The following TEAD1 variants were observed in gnomAD, a reference collection of about 807,000 sequenced individuals.
TEAD1 encodes the protein TEA domain transcription factor 1.
A neutral mutation model predicts 54.9 loss-of-function variants in TEAD1; 9 were observed. That is an observed-to-expected ratio of 0.16 (90% CI 0.10 to 0.29). The LOEUF (loss-of-function observed/expected upper bound fraction) is 0.29, where lower values mean the gene tolerates loss of function less well. Among genes scored for constraint, TEAD1 ranks in the 10% least tolerant of loss-of-function variants. TEAD1 has a pLI of 1.00. For missense variants in TEAD1, 387 were observed against 535.9 expected (o/e 0.72, Z 2.74); for synonymous variants, 200 against 187.8 (o/e 1.07, Z -0.53).
At chr11:12,914,884 C>T (rs754022118) in intron 10 of TEAD1, among the ~76,000 whole-genome samples, 10 of 152,260 alleles carry the variant, frequency 6.6e-5, no homozygotes, top group Non-Finnish European at 1.2e-4. Context: ...GCTCCCAGCA[C>T]CGCCTGCCAA....
intron 9 of TEAD1, among the ~76,000 whole-genome samples, chr11:12,893,463 A>G (rs1327658624): frequency 3.9e-5 from 6 of 152,072 alleles, no homozygotes; most frequent in Non-Finnish European, 7.4e-5. Context: ...CTGTTTCTTC[A>G]TTACCCTTTG....
chr11:12,788,300 T>C (rs1039619368), intron 3 of TEAD1, among the ~76,000 whole-genome samples: 2 of 152,044 alleles, frequency 1.3e-5, no homozygotes, highest in South Asian at 2.1e-4. Flanking sequence ...CCCAGCCTAA[T>C]TTTGTATTTT....
At chr11:12,872,747 G>A (rs1447221790) in intron 5 of TEAD1, among the ~76,000 whole-genome samples, 2 of 152,162 alleles carry the variant, frequency 1.3e-5, no homozygotes, top group East Asian at 1.9e-4. Context: ...CTTAGATAAT[G>A]CCCTAGAATG....
intron 2 of TEAD1, among the ~76,000 whole-genome samples, chr11:12,729,776 A>G (rs529276541): frequency 9.9e-5 from 15 of 152,172 alleles, no homozygotes; most frequent in South Asian, 2.1e-4. Context: ...ATGGTTGGCT[A>G]TCCGACTTCT....
intron 2 of TEAD1, among the ~76,000 whole-genome samples, chr11:12,703,929 C>T (rs1460422806): frequency 6.6e-6 from 1 of 152,120 alleles, no homozygotes; most frequent in African/African-American, 2.4e-5. Context: ...ATTTGCACAA[C>T]CATTTTCTAA....
At chr11:12,864,618 TTTTG>T in intron 4 of TEAD1, 2 of 860,242 alleles carry the variant, frequency 2.3e-6, no homozygotes, top group Non-Finnish European at 3.1e-6. Context: ...TGATTTCCTT[TTTTG>T]TTTTGTTTTG....
chr11:12,944,053 C>T lies in TEAD1; in HGVS notation c.*6831C>T, dbSNP rs534728173. On this transcript the variant is annotated 3_prime_UTR_variant, in exon 13 of 13. Transcript: ENST00000527636. ...GGTTTTCGCCACGTGTGTTTGTTCA[C>T]ATTCTAAATGACTTAATGGGATTCT... 1 of 152,682 alleles carries T rather than the reference C, an allele frequency of 6.5e-6. No homozygotes were observed. Among genetic ancestry groups the T allele is most frequent in the Admixed American group, 6.5e-5 (1 of 15,290 alleles). 9.5% of individuals were successfully genotyped at this position (152,682 alleles called of 1,614,324 possible). A position where few individuals can be genotyped will look rare whatever the true frequency, so the allele number is the denominator to read the frequency against.
chr11:12,853,711 A>G (rs1226221987), intron 3 of TEAD1, among the ~76,000 whole-genome samples: 1 of 152,150 alleles, frequency 6.6e-6, no homozygotes, highest in African/African-American at 2.4e-5. Flanking sequence ...GACCCCTGTA[A>G]CCCAAGGCAA....
chr11:12,737,125 A>G (rs1014527880), intron 2 of TEAD1, among the ~76,000 whole-genome samples: 3 of 152,052 alleles, frequency 2.0e-5, no homozygotes, highest in Non-Finnish European at 1.5e-5. Flanking sequence ...TCATGTTTCA[A>G]CTCTCTTGTT....
rs547208960 is a variant in TEAD1 at position 12,791,314 on chromosome 11, C to G, written c.202+26880C>G. On this transcript the variant is annotated intron_variant, in intron 3 of 12. Coordinates refer to ENST00000527636, the MANE Select transcript of TEAD1 (RefSeq NM_021961.6). Reference sequence around the variant, plus strand: ...AGAAACCTTTATCAAGTAAAAGTATCTGGTGTTTCCCAGGCTTTGCTCTCC... The same window carrying G: ...AGAAACCTTTATCAAGTAAAAGTATGTGGTGTTTCCCAGGCTTTGCTCTCC... Among the ~76,000 whole-genome samples, 3 of 152,324 alleles carry G rather than the reference C, an allele frequency of 2.0e-5. No individual in the cohort carries two copies. The East Asian group carries it at 5.8e-4, about 29-fold the overall frequency.
At chr11:12,689,009 T>C (rs767837498) in intron 2 of TEAD1, among the ~76,000 whole-genome samples, 1 of 148,936 alleles carries the variant, frequency 6.7e-6, no homozygotes, top group Non-Finnish European at 1.5e-5. Flanking sequence ...TTTGTTGTTT[T>C]TCTGTTTTTT....
rs550175442 is a variant in TEAD1, at chr11:12,840,801, G to A, written c.203-21449G>A. ...GCACGGGCCCCTGTGAGTGGAGTGG[G>A]ATGAGATACCCAGTGGCTTTCAGAG... is the stretch of plus-strand genomic sequence containing the variant. On this transcript the variant is annotated intron_variant, in intron 3 of 12. Coordinates refer to ENST00000527636, the MANE Select transcript of TEAD1 (RefSeq NM_021961.6). Among the ~76,000 whole-genome samples, 5 of 152,308 alleles carry A rather than the reference G, an allele frequency of 3.3e-5. No homozygotes were observed. The South Asian group carries it at 1.0e-3, about 32-fold the overall frequency.
chr11:12,799,513 A>G (rs1309521311), intron 3 of TEAD1, among the ~76,000 whole-genome samples: 2 of 152,116 alleles, frequency 1.3e-5, no homozygotes, highest in African/African-American at 4.8e-5. Context: ...TGTGTGTGTC[A>G]GCGTTTTTAA....
intron 3 of TEAD1, among the ~76,000 whole-genome samples, chr11:12,834,326 C>A (rs894524081): frequency 2.6e-5 from 4 of 152,148 alleles, no homozygotes; most frequent in Admixed American, 1.3e-4. Flanking sequence ...AACAGATATC[C>A]ATGGAAACTT....
intron 2 of TEAD1, among the ~76,000 whole-genome samples, chr11:12,720,087 G>C (rs1374964708): frequency 3.4e-5 from 5 of 147,754 alleles, no homozygotes; most frequent in Non-Finnish European, 7.4e-5. Flanking sequence ...TGGTAGTGAG[G>C]GGCATCTCTC....
At chr11:12,786,097 G>A (rs1430550812) in intron 3 of TEAD1, among the ~76,000 whole-genome samples, 1 of 152,172 alleles carries the variant, frequency 6.6e-6, no homozygotes, top group African/African-American at 2.4e-5. Flanking sequence ...GCAGGGCATA[G>A]TTACTTGTCT....
At chr11:12,888,732 A>G (rs898438213) in intron 9 of TEAD1, among the ~76,000 whole-genome samples, 4 of 152,214 alleles carry the variant, frequency 2.6e-5, no homozygotes, top group Non-Finnish European at 4.4e-5. Flanking sequence ...CTGTATGCCA[A>G]CACTATGCAT....
At chr11:12,886,043 A>C (rs777999048) in intron 9 of TEAD1, among the ~76,000 whole-genome samples, 21 of 152,252 alleles carry the variant, frequency 1.4e-4, no homozygotes, top group Non-Finnish European at 2.9e-4. Flanking sequence ...GAACGCTGTG[A>C]GTAACAGGAA....
At chr11:12,722,884 G>A (rs1367658967) in intron 2 of TEAD1, among the ~76,000 whole-genome samples, 1 of 152,032 alleles carries the variant, frequency 6.6e-6, no homozygotes, top group East Asian at 1.9e-4. Context: ...AAATGGTTAT[G>A]TAGTCTTCAA....
Sources: allele counts gnomAD v4.1 joint callset (sites outside exome capture counted in the v4.1 genomes callset), GRCh38; gene constraint gnomAD v4.1.1; transcripts MANE v1.5; gene names NCBI Gene and HGNC (gene_info 2026-07-23, HGNC 2026-07-21).